CLASP1: variants seen among roughly 807,000 people sequenced by gnomAD.
CLASP1 encodes the protein cytoplasmic linker associated protein 1.
CLASP1 carries 38 observed loss-of-function variants against 192.3 expected under a neutral mutation model. The observed-to-expected ratio is 0.20, with a 90% CI of 0.15 to 0.26. The LOEUF (loss-of-function observed/expected upper bound fraction) is 0.26. Among genes scored for constraint, CLASP1 ranks in the 10% least tolerant of loss-of-function variants. The pLI is 1.00. For missense variants in CLASP1, 1,433 were observed against 1,932.5 expected, an observed-to-expected ratio of 0.74 and a Z score of 4.85; for synonymous variants, 691 against 712.8, an observed-to-expected ratio of 0.97 and a Z score of 0.49.
At chr2:121,646,332 C>T (rs979028609) in intron 1 of CLASP1, among the ~76,000 whole-genome samples, 29 of 152,276 alleles carry the variant, frequency 1.9e-4, no homozygotes, top group Admixed American at 9.2e-4. Context: ...CCAGGTTGGT[C>T]TCAAACTCCA....
intron 6 of CLASP1, among the ~76,000 whole-genome samples, chr2:121,519,308 AGG>A (rs1476512860): frequency 2.0e-5 from 3 of 152,196 alleles, no homozygotes; most frequent in Non-Finnish European, 4.4e-5. Flanking sequence ...ACGCCTACAC[AGG>A]CCAGGCAGTG....
intron 2 of CLASP1, chr2:121,531,113 T>C (rs567008146): frequency 4.1e-5 from 26 of 637,358 alleles, no homozygotes; most frequent in Non-Finnish European, 5.8e-5. Context: ...CGCGTGGTTT[T>C]AGTGTCGCAA....
At position 121,418,621 on chromosome 2, in the gene CLASP1, C is replaced by A. The variant is rs1279511188; in HGVS notation, c.2320+1G>T. 1 of 1,611,718 alleles carries A rather than the reference C, an allele frequency of 6.2e-7. No homozygotes were observed. The highest frequency in any genetic ancestry group is 1.1e-5 in the South Asian group (1 of 91,036). On this transcript the variant is annotated splice_donor_variant, in intron 23 of 39. Coordinates refer to ENST00000263710, the Ensembl canonical transcript of CLASP1. LOFTEE classifies it high-confidence loss of function. ...CTCAGCCAGCACCTACGTGTACTCA[C>A]CAAGTGGAGGAAAGCCCCGAGCAGG...
At chr2:121,625,681 G>A (rs1234119751) in intron 1 of CLASP1, among the ~76,000 whole-genome samples, 5 of 151,622 alleles carry the variant, frequency 3.3e-5, no homozygotes, top group Admixed American at 1.3e-4. Context: ...TGATCTGCCC[G>A]CCTTGGCCTC....
chr2:121,560,291 T>C (rs769577925), intron 2 of CLASP1, among the ~76,000 whole-genome samples: 2 of 152,238 alleles, frequency 1.3e-5, no homozygotes, highest in Non-Finnish European at 2.9e-5. Flanking sequence ...AACAGCAAGC[T>C]GCAGAACAGT....
At chr2:121,517,858 CTTTTTTTTT>C (rs70954553) in intron 6 of CLASP1, among the ~76,000 whole-genome samples, 41 of 30,812 alleles carry the variant, frequency 1.3e-3, no homozygotes, top group African/African-American at 5.9e-3. Context: ...AAGACTCAAG[CTTTTTTTTT>C]TTTTTTTTTT....
intron 7 of CLASP1, chr2:121,503,875 CAAAAATG>C (rs1397294917): frequency 6.6e-6 from 1 of 151,888 alleles, no homozygotes; most frequent in Non-Finnish European, 1.5e-5. Context: ...CTAGTGACAC[CAAAAATG>C]AAAGGAAAAG....
At chr2:121,351,246 G>A (rs1253204344) in intron 37 of CLASP1, among the ~76,000 whole-genome samples, 11 of 152,264 alleles carry the variant, frequency 7.2e-5, no homozygotes, top group East Asian at 1.9e-4. Flanking sequence ...TGACACACAC[G>A]TCCCAGCCCC....
At chr2:121,590,717 GC>G (rs1384394348) in intron 2 of CLASP1, among the ~76,000 whole-genome samples, 2 of 152,144 alleles carry the variant, frequency 1.3e-5, no homozygotes, top group Admixed American at 6.5e-5. Context: ...CATCTAAGCA[GC>G]CTCCAGAAAT....
chr2:121,452,237 A>T (rs963591320), intron 14 of CLASP1, among the ~76,000 whole-genome samples: 2 of 152,188 alleles, frequency 1.3e-5, no homozygotes, highest in Admixed American at 1.3e-4. Flanking sequence ...TCTTTGCATT[A>T]ATTTCGGAGA....
intron 2 of CLASP1, among the ~76,000 whole-genome samples, chr2:121,570,664 G>C (rs961732901): frequency 6.6e-6 from 1 of 152,212 alleles, no homozygotes; most frequent in African/African-American, 2.4e-5. Flanking sequence ...GTGAAAACTA[G>C]AATTTCTAGA....
intron 2 of CLASP1, among the ~76,000 whole-genome samples, chr2:121,557,141 CCCT>C (rs2058634991): frequency 6.6e-6 from 1 of 152,216 alleles, no homozygotes; most frequent in Admixed American, 6.5e-5. Flanking sequence ...CTGGGCCCTG[CCCT>C]AGGTTTCTAC....
chr2:121,505,733 C>T (rs2093925038), intron 7 of CLASP1, among the ~76,000 whole-genome samples: 2 of 152,280 alleles, frequency 1.3e-5, no homozygotes, highest in African/African-American at 4.8e-5. Flanking sequence ...AATTTCTTTA[C>T]TGGTTTGACA....
chr2:121,478,661 C>G lies in CLASP1; in HGVS notation c.713-8701G>C, dbSNP rs1575265548. On this transcript the variant is annotated intron_variant, in intron 8 of 39. Coordinates refer to ENST00000263710, the Ensembl canonical transcript of CLASP1. ...CACACACACCCCCCACACACACACA[C>G]CCCCCACACACACCACACACACACC... Among the ~76,000 whole-genome samples, 4 of 71,248 alleles carry G rather than the reference C, an allele frequency of 5.6e-5. No individual in the cohort carries two copies. In the South Asian group the frequency reaches 1.9e-3, roughly 33 times the overall value. 46.7% of individuals were successfully genotyped at this position (71,248 alleles called of 152,430 possible). A position where few individuals can be genotyped will look rare whatever the true frequency, so the allele number is the denominator to read the frequency against.
chr2:121,345,204 G>A lies in CLASP1; in HGVS notation c.4530+1834C>T, dbSNP rs185841757. On this transcript the variant is annotated intron_variant, in intron 39 of 39. Transcript: ENST00000263710. The stretch of plus-strand genomic sequence containing the variant: ...ATGAACTGGGCTACGAAAGCAGAAA[G>A]ATGTGAAGGCCAGTCTCTCCAAACC... Among the ~76,000 whole-genome samples, 193 of 152,268 alleles carry A rather than the reference G, an allele frequency of 1.3e-3. 1 individual carries two copies. Among genetic ancestry groups the A allele is most frequent in the Admixed American group, 1.7e-3 (26 of 15,302 alleles).
intron 35 of CLASP1, among the ~76,000 whole-genome samples, chr2:121,365,977 A>C (rs980939741): frequency 6.6e-6 from 1 of 152,208 alleles, no homozygotes; most frequent in African/African-American, 2.4e-5. Context: ...CTGAATATTC[A>C]ACTTTAAATA....
At chr2:121,498,273 C>T (rs546732514) in intron 8 of CLASP1, among the ~76,000 whole-genome samples, 1 of 146,518 alleles carries the variant, frequency 6.8e-6, no homozygotes, top group Admixed American at 6.8e-5. Flanking sequence ...TCTCAGCTCA[C>T]TGAAACCTCC....
intron 1 of CLASP1, among the ~76,000 whole-genome samples, chr2:121,625,961 T>C (rs981958688): frequency 6.6e-6 from 1 of 151,810 alleles, no homozygotes; most frequent in Non-Finnish European, 1.5e-5. Flanking sequence ...TAGCTGGGCA[T>C]GGTGGCACGC....
intron 22 of CLASP1, among the ~76,000 whole-genome samples, chr2:121,420,240 T>G (rs2079258464): frequency 6.6e-6 from 1 of 151,794 alleles, no homozygotes; most frequent in African/African-American, 2.4e-5. Flanking sequence ...TTTGCCAGAG[T>G]GATGTGAAAG....
Sources: allele counts gnomAD v4.1 joint callset (sites outside exome capture counted in the v4.1 genomes callset), GRCh38; gene constraint gnomAD v4.1.1; transcripts MANE v1.5; gene names NCBI Gene and HGNC (gene_info 2026-07-23, HGNC 2026-07-21).